Variants in PADI4 observed in about 807,000 individuals in gnomAD.
PADI4 encodes peptidyl arginine deiminase 4, also known as protein-arginine deiminase type-4.
PADI4 carries 62 observed loss-of-function variants against 75.0 expected under a neutral mutation model. The ratio of observed to expected loss-of-function variants is 0.83; its 90% CI spans 0.67 to 1.02. PADI4 has a LOEUF of 1.02. Ranked by LOEUF, PADI4 falls within the 50% of genes least tolerant of loss-of-function variation. The pLI, the probability that PADI4 is intolerant of heterozygous loss-of-function variation, is 0.00. For missense variants in PADI4, 845 were observed against 850.5 expected, an observed-to-expected ratio of 0.99 and a Z score of 0.08; for synonymous variants, 361 against 348.1, an observed-to-expected ratio of 1.04 and a Z score of -0.41.
intron 15 of PADI4, among the ~76,000 whole-genome samples, chr1:17,363,013 C>T (rs548253783): frequency 2.0e-5 from 3 of 152,072 alleles, no homozygotes; most frequent in East Asian, 1.9e-4. Flanking sequence ...GACGGGGTTT[C>T]CCCATGTTGG....
intron 8 of PADI4, among the ~76,000 whole-genome samples, chr1:17,344,105 A>G (rs564407049): frequency 1.3e-5 from 2 of 152,324 alleles, no homozygotes; most frequent in Non-Finnish European, 2.9e-5. Context: ...CCAGACTGAG[A>G]TGGTCTCAGA....
In PADI4 at chr1:17,363,830, C is replaced by T. The variant is rs943990790; in HGVS notation, c.*75C>T. The T allele has an allele frequency of 1.9e-6, 2 of 1,066,804 alleles. No individual in the cohort carries two copies. Among genetic ancestry groups the T allele is most frequent in the Non-Finnish European group, 2.8e-6 (2 of 706,802 alleles). 66.1% of individuals were successfully genotyped at this position (1,066,804 alleles called of 1,614,324 possible). A position where few individuals can be genotyped will look rare whatever the true frequency, so the allele number is the denominator to read the frequency against. ...CTCTGCAGTGTGGCAAGCAAGAGCT[C>T]TTGTGAATATTGTGGCTCCCTGGGG... On this transcript the variant is annotated 3_prime_UTR_variant, in exon 16 of 16. Transcript: ENST00000375448.
intron 10 of PADI4, among the ~76,000 whole-genome samples, chr1:17,352,191 G>A (rs943795486): frequency 2.1e-3 from 244 of 117,390 alleles, no homozygotes; most frequent in African/African-American, 6.9e-3. Context: ...AGGCGGTCAG[G>A]GAGGAGATGG....
At chr1:17,332,927 C>T (rs1312520407) in intron 2 of PADI4, among the ~76,000 whole-genome samples, 1 of 152,110 alleles carries the variant, frequency 6.6e-6, no homozygotes, top group Non-Finnish European at 1.5e-5. Context: ...AGGCTGTGTG[C>T]ACTCTCTGGA....
At chr1:17,359,542 G>T in intron 15 of PADI4, 134 bp downstream of exon 15, 1 of 1,232,202 alleles carries the variant, frequency 8.1e-7, no homozygotes, top group South Asian at 1.4e-5. Context: ...GTCCTGAGTG[G>T]TACAAGGTCA....
intron 1 of PADI4, among the ~76,000 whole-genome samples, chr1:17,320,185 GC>G (rs1267120966): frequency 6.6e-6 from 1 of 152,158 alleles, no homozygotes. Context: ...TTGGCTTGTG[GC>G]CCCTTCCAGC....
At chr1:17,338,743 A>G (rs1570043996) in intron 5 of PADI4, among the ~76,000 whole-genome samples, 2 of 152,330 alleles carry the variant, frequency 1.3e-5, no homozygotes, top group East Asian at 3.9e-4. Context: ...GGATCTCTGC[A>G]GGCAAACCTC....
chr1:17,319,463 G>A (rs1557542244), intron 1 of PADI4, among the ~76,000 whole-genome samples: 1 of 152,134 alleles, frequency 6.6e-6, no homozygotes, highest in Admixed American at 6.5e-5. Context: ...CAGCTACTCA[G>A]GAGGCTGAGG....
At chr1:17,339,896 C>T in intron 6 of PADI4, 83 bp downstream of exon 6, 1 of 1,445,510 alleles carries the variant, frequency 6.9e-7, no homozygotes, top group Non-Finnish European at 9.4e-7. Flanking sequence ...CAGATAAATC[C>T]TGAGCACCTA....
intron 1 of PADI4, among the ~76,000 whole-genome samples, chr1:17,319,355 C>T (rs2073995544): frequency 1.3e-5 from 2 of 152,036 alleles, no homozygotes; most frequent in Non-Finnish European, 2.9e-5. Context: ...CCCTTGAGCC[C>T]AGGAGTTCAA....
chr1:17,352,226 G>GAGGTGATGGGAGGTGGT (rs2074674493), intron 10 of PADI4, among the ~76,000 whole-genome samples: 4 of 138,294 alleles, frequency 2.9e-5, no homozygotes, highest in Non-Finnish European at 4.6e-5. Context: ...GGTGGTCAGG[G>GAGGTGATGGGAGGTGGT]AAGAGATGGG....
Position 17,341,998 on chromosome 1 carries a change from C to T in PADI4, c.708C>T (p.His236=). ...TCTTGGGTCCCAAGTGGCCCTCTCA[C>T]TACCTGATGGTCCCCGGTGGAAAGC... The part of the protein sequence containing the change: ...SVVLGPKWPS[H]YLMVPGGKHN... Residue 236 remains histidine, a synonymous_variant, in exon 7 of 16, where the codon CAC becomes CAT. Coordinates refer to ENST00000375448, the MANE Select transcript of PADI4 (RefSeq NM_012387.3). 6.2e-7 allele frequency: 1 copy of T among 1,614,102 alleles called. No individual in the cohort carries two copies.
intron 1 of PADI4, 104 bp downstream of exon 1, chr1:17,308,418 A>T (rs1300233413): frequency 1.2e-6 from 1 of 836,986 alleles, no homozygotes; most frequent in Non-Finnish European, 1.9e-6. Context: ...TCTAGGCTCC[A>T]GCCTCTGCAG....
In PADI4 at chr1:17,350,842, C is replaced by T. The variant is rs1256864140; in HGVS notation, c.1155+2794C>T. ...CGTTCTGGCCCAGAGAGACAGACAG[C>T]AGACAATGAATAGAACAAAGCAGTT... On this transcript the variant is annotated intron_variant, in intron 10 of 15. Coordinates refer to ENST00000375448, the MANE Select transcript of PADI4 (RefSeq NM_012387.3). Among the ~76,000 whole-genome samples, 9 of 129,222 alleles carry T rather than the reference C, an allele frequency of 7.0e-5. 1 individual carries two copies. The highest frequency in any genetic ancestry group is 1.0e-4 in the African/African-American group (4 of 39,896). 84.8% of individuals were successfully genotyped at this position (129,222 alleles called of 152,430 possible). A position where few individuals can be genotyped will look rare whatever the true frequency, so the allele number is the denominator to read the frequency against.
intron 1 of PADI4, among the ~76,000 whole-genome samples, chr1:17,320,162 G>A (rs1321129501): frequency 2.0e-5 from 3 of 152,210 alleles, no homozygotes; most frequent in Non-Finnish European, 1.5e-5. Flanking sequence ...GCTTCTAGAG[G>A]TGCCCGCATT....
intron 2 of PADI4, 55 bp downstream of exon 2, chr1:17,331,204 C>T: frequency 6.9e-7 from 1 of 1,458,726 alleles, no homozygotes; most frequent in Admixed American, 1.8e-5. Context: ...AGGGCAGCCA[C>T]ACACACTCTG....
At chr1:17,336,043 C>T (rs1049355268) in intron 3 of PADI4, 116 bp from the exon 4 acceptor site, 1 of 684,300 alleles carries the variant, frequency 1.5e-6, no homozygotes, top group East Asian at 2.7e-5. Flanking sequence ...GGAAGAGGGG[C>T]TCACACTATG....
At chr1:17,323,132 A>G (rs1448688859) in intron 1 of PADI4, among the ~76,000 whole-genome samples, 2 of 152,050 alleles carry the variant, frequency 1.3e-5, no homozygotes, top group African/African-American at 4.8e-5. Context: ...GGGTGTTGGA[A>G]CCTCAGTTCC....
Position 17,344,337 on chromosome 1 carries a change from A to G in PADI4, c.936-1691A>G, listed in dbSNP as rs1570059933. On this transcript the variant is annotated intron_variant, in intron 8 of 15. Coordinates refer to ENST00000375448, the MANE Select transcript of PADI4 (RefSeq NM_012387.3). ...TCCAGTTTTAAAAGGGAAGCAGAGC[A>G]TAAAAGTTCAGAAAAGTTGCAGCCT... Among the ~76,000 whole-genome samples, 4 of 152,372 alleles carry G rather than the reference A, an allele frequency of 2.6e-5. No individual in the cohort carries two copies. The South Asian group carries it at 6.2e-4, about 24-fold the overall frequency.
Sources: allele counts gnomAD v4.1 joint callset (sites outside exome capture counted in the v4.1 genomes callset), GRCh38; gene constraint gnomAD v4.1.1; transcripts MANE v1.5; gene names NCBI Gene and HGNC (gene_info 2026-07-23, HGNC 2026-07-21).